Variants in MTHFD2L observed in about 807,000 individuals in gnomAD.
MTHFD2L encodes the protein bifunctional methylenetetrahydrofolate dehydrogenase/cyclohydrolase 2, mitochondrial.
A neutral mutation model predicts 34.9 loss-of-function variants in MTHFD2L; 29 were observed. The ratio of observed to expected loss-of-function variants is 0.83; its 90% CI spans 0.62 to 1.13. The LOEUF is 1.13. Ranked by LOEUF, MTHFD2L falls within the 50% of genes most tolerant of loss-of-function variation. The pLI is 0.00. For synonymous variants in MTHFD2L, 167 were observed against 155.7 expected, an observed-to-expected ratio of 1.07 and a Z score of -0.54; for missense variants, 481 against 446.5, an observed-to-expected ratio of 1.08 and a Z score of -0.70.
intron 6 of MTHFD2L, among the ~76,000 whole-genome samples, chr4:74,226,947 T>C (rs1000810168): frequency 6.6e-6 from 1 of 152,178 alleles, no homozygotes; most frequent in African/African-American, 2.4e-5. Flanking sequence ...GATTGATTGA[T>C]TGGTGAAGAT....
intron 6 of MTHFD2L, among the ~76,000 whole-genome samples, chr4:74,253,019 A>G (rs1311389226): frequency 1.3e-5 from 2 of 152,202 alleles, no homozygotes; most frequent in African/African-American, 4.8e-5. Context: ...CTAATTACTT[A>G]CTGATTGGTG....
At chr4:74,187,953 A>C (rs1731645273) in intron 3 of MTHFD2L, among the ~76,000 whole-genome samples, 1 of 152,194 alleles carries the variant, frequency 6.6e-6, no homozygotes, top group Non-Finnish European at 1.5e-5. Context: ...AAAAACTAGA[A>C]ACAACCCAAA....
intron 5 of MTHFD2L, among the ~76,000 whole-genome samples, chr4:74,216,030 A>C (rs1420510718): frequency 6.6e-6 from 1 of 151,846 alleles, no homozygotes; most frequent in South Asian, 2.1e-4. Flanking sequence ...ACATGTGCTC[A>C]ATAAAAATAA....
At chr4:74,277,368 A>G (rs1398717820) in intron 6 of MTHFD2L, among the ~76,000 whole-genome samples, 2 of 151,994 alleles carry the variant, frequency 1.3e-5, no homozygotes. Context: ...TCTAAGAGGG[A>G]GGAGGACATA....
chr4:74,270,993 C>A (rs1745907750), intron 6 of MTHFD2L, among the ~76,000 whole-genome samples: 1 of 152,040 alleles, frequency 6.6e-6, no homozygotes, highest in African/African-American at 2.4e-5. Context: ...CTGTTCATAT[C>A]CTTCGCCCAC....
At chr4:74,226,876 A>T (rs1739250909) in intron 6 of MTHFD2L, among the ~76,000 whole-genome samples, 1 of 152,102 alleles carries the variant, frequency 6.6e-6, no homozygotes, top group East Asian at 1.9e-4. Context: ...ATAATGCCAG[A>T]TAATGATAAG....
At chr4:74,167,110 G>C (rs2109924506) in intron 1 of MTHFD2L, among the ~76,000 whole-genome samples, 1 of 152,294 alleles carries the variant, frequency 6.6e-6, no homozygotes, top group Admixed American at 6.5e-5. Flanking sequence ...TATATACCCA[G>C]TTGACAGCCC....
upstream of MTHFD2L, among the ~76,000 whole-genome samples, chr4:74,123,738 G>A (rs542703734): frequency 3.2e-4 from 48 of 151,832 alleles, no homozygotes; most frequent in African/African-American, 1.2e-3. Context: ...TATTTCTGTT[G>A]TGAGAAAAAA....
intron 1 of MTHFD2L, among the ~76,000 whole-genome samples, chr4:74,149,883 A>T (rs1460952225): frequency 6.6e-6 from 1 of 152,198 alleles, no homozygotes; most frequent in African/African-American, 2.4e-5. Context: ...ACTATTACAG[A>T]TGTGATTATG....
At chr4:74,177,226 A>G (rs1357685264) in intron 3 of MTHFD2L, among the ~76,000 whole-genome samples, 1 of 152,012 alleles carries the variant, frequency 6.6e-6, no homozygotes, top group Non-Finnish European at 1.5e-5. Context: ...AGAGAAGATC[A>G]GGAGTTTATT....
chr4:74,234,704 G>T (rs977551507), intron 6 of MTHFD2L, among the ~76,000 whole-genome samples: 1 of 151,918 alleles, frequency 6.6e-6, no homozygotes, highest in African/African-American at 2.4e-5. Flanking sequence ...AGAAAGATGT[G>T]CAAACAAATT....
At position 74,202,298 on chromosome 4, in the gene MTHFD2L, A is replaced by G. The variant is rs187291323; in HGVS notation, c.712+928A>G. On this transcript the variant is annotated intron_variant, in intron 5 of 7. Transcript: ENST00000325278. ...AGTCTTAGGACCACACGAGTAAACAAGCTAGTTAGGTAAACTCTCCACATT... is the reference window on the plus strand; with the variant it reads ...AGTCTTAGGACCACACGAGTAAACAGGCTAGTTAGGTAAACTCTCCACATT... Among the ~76,000 whole-genome samples, 21 of 152,338 alleles carry G rather than the reference A, an allele frequency of 1.4e-4. No homozygotes were observed. The East Asian group carries it at 4.0e-3, about 29-fold the overall frequency.
intron 3 of MTHFD2L, among the ~76,000 whole-genome samples, chr4:74,197,190 C>G (rs1733631366): frequency 6.6e-6 from 1 of 152,040 alleles, no homozygotes; most frequent in African/African-American, 2.4e-5. Context: ...TGGTTGTTTA[C>G]CAATGTATCC....
At chr4:74,121,805 A>C (rs965475498), upstream of MTHFD2L, among the ~76,000 whole-genome samples, 1 of 151,448 alleles carries the variant, frequency 6.6e-6, no homozygotes, top group African/African-American at 2.4e-5. Flanking sequence ...ATTATCCCTA[A>C]AGCATCCCCT....
intron 6 of MTHFD2L, chr4:74,266,748 CCTGT>C (rs926246925): frequency 9.0e-6 from 5 of 557,094 alleles, no homozygotes; most frequent in African/African-American, 8.2e-5. Flanking sequence ...CCACTTCTCT[CCTGT>C]CTATCACTTT....
upstream of MTHFD2L, among the ~76,000 whole-genome samples, chr4:74,121,441 C>G (rs1036800972): frequency 2.0e-5 from 3 of 151,042 alleles, no homozygotes; most frequent in African/African-American, 7.3e-5. Context: ...CGACAGCAAC[C>G]ACAATGAGAT....
chr4:74,155,921 AAAAC>A (rs1724214465), upstream of MTHFD2L, among the ~76,000 whole-genome samples: 1 of 151,972 alleles, frequency 6.6e-6, no homozygotes, highest in South Asian at 2.1e-4. Flanking sequence ...AAAAAAAAAA[AAAAC>A]ACTTTTACAC....
At chr4:74,203,685 G>A (rs972692942) in intron 5 of MTHFD2L, among the ~76,000 whole-genome samples, 2 of 152,098 alleles carry the variant, frequency 1.3e-5, no homozygotes, top group African/African-American at 4.8e-5. Flanking sequence ...TGCAACAATA[G>A]CACCAAGGGA....
intron 6 of MTHFD2L, among the ~76,000 whole-genome samples, chr4:74,230,917 C>G (rs1328312332): frequency 1.3e-5 from 2 of 151,932 alleles, no homozygotes; most frequent in African/African-American, 4.8e-5. Context: ...TCCACATTAC[C>G]CTCCACCCAT....
Sources: gnomAD v4.1 joint callset for allele counts (sites outside exome capture counted in the v4.1 genomes callset) on GRCh38, gnomAD v4.1.1 for gene constraint, MANE v1.5 for transcripts, NCBI Gene and HGNC (gene_info 2026-07-23, HGNC 2026-07-21) for gene names.